PTPRO: variants seen among roughly 807,000 people sequenced by gnomAD.
PTPRO encodes the protein receptor-type tyrosine-protein phosphatase O.
PTPRO carries 62 observed loss-of-function variants against 145.2 expected under a neutral mutation model. The ratio of observed to expected loss-of-function variants is 0.43; its 90% CI spans 0.35 to 0.53. The LOEUF is 0.53. Ranked by LOEUF, PTPRO falls within the 20% of genes least tolerant of loss-of-function variation. PTPRO has a pLI of 0.01. For missense variants in PTPRO, 1,345 were observed against 1,482.7 expected, an observed-to-expected ratio of 0.91 and a Z score of 1.53; for synonymous variants, 565 against 514.7, an observed-to-expected ratio of 1.10 and a Z score of -1.32.
intron 7 of PTPRO, among the ~76,000 whole-genome samples, chr12:15,513,108 AAAGGAAGGAAGGAAGG>A (rs368163582): frequency 7.9e-5 from 4 of 50,924 alleles, no homozygotes; most frequent in East Asian, 4.8e-4. Flanking sequence ...AGAAAGAAAG[AAAGGAAGGAAGGAAGG>A]AAGGAAGGAA....
At position 15,525,478 on chromosome 12, in the gene PTPRO, T is replaced by C. The variant is rs1942818678; in HGVS notation, c.2043+513T>C. Among the ~76,000 whole-genome samples the C allele has an allele frequency of 2.0e-5, 3 of 152,154 alleles. No individual in the cohort carries two copies. The South Asian group carries it at 6.2e-4, about 32-fold the overall frequency. On this transcript the variant is annotated intron_variant, in intron 11 of 26. Coordinates refer to ENST00000281171, the MANE Select transcript of PTPRO (RefSeq NM_030667.3). Reference sequence around the variant, plus strand: ...ACAGGACTAACCAGGCACTTCTGCTTTAAGGGGTCACCCAGGGAGGCAAAT... The same window carrying C: ...ACAGGACTAACCAGGCACTTCTGCTCTAAGGGGTCACCCAGGGAGGCAAAT...
chr12:15,495,494 C>A (rs1422875465), intron 2 of PTPRO, among the ~76,000 whole-genome samples: 1 of 151,596 alleles, frequency 6.6e-6, no homozygotes, highest in Non-Finnish European at 1.5e-5. Context: ...AAGGACATTT[C>A]TTTAGGTCAG....
At chr12:15,364,313 AT>A (rs879741399) in intron 1 of PTPRO, among the ~76,000 whole-genome samples, 28 of 152,316 alleles carry the variant, frequency 1.8e-4, no homozygotes, top group Non-Finnish European at 2.9e-4. Context: ...GTGAATATTC[AT>A]TATTACAGAA....
intron 1 of PTPRO, among the ~76,000 whole-genome samples, chr12:15,469,229 G>A (rs926651845): frequency 2.0e-5 from 3 of 152,028 alleles, no homozygotes; most frequent in African/African-American, 7.2e-5. Context: ...AACTTGCTGG[G>A]GAAAAACCAT....
At chr12:15,554,913 T>C (rs1565425137) in intron 15 of PTPRO, among the ~76,000 whole-genome samples, 6 of 152,156 alleles carry the variant, frequency 3.9e-5, no homozygotes, top group Non-Finnish European at 7.4e-5. Context: ...AAAAGTCTAA[T>C]GTTTGAAAGA....
At chr12:15,475,180 A>C (rs1941627535) in intron 1 of PTPRO, among the ~76,000 whole-genome samples, 1 of 152,258 alleles carries the variant, frequency 6.6e-6, no homozygotes, top group Non-Finnish European at 1.5e-5. Flanking sequence ...TCTTCTTATT[A>C]TCACAACCAC....
rs1411484403 is a variant in PTPRO, at chr12:15,322,834, GGTCCGGGCGGCA to G, written c.75+35_75+46del. The G allele has an allele frequency of 4.4e-6, 7 of 1,597,968 alleles. No homozygotes were observed. Among genetic ancestry groups the G allele is most frequent in the Non-Finnish European group, 4.3e-6 (5 of 1,172,544 alleles). On this transcript the variant is annotated intron_variant, in intron 1 of 26. Transcript: ENST00000281171. The surrounding 1 kb of genome is among the most constrained non-coding windows in gnomAD (Gnocchi z 6.3). ...AGCTCCTCCACCCCTTTTTCCCAGC[GGTCCGGGCGGCA>G]GCCGCGCTCCGGCGCCCTCGCTCTG... is the stretch of plus-strand genomic sequence containing the variant.
intron 1 of PTPRO, among the ~76,000 whole-genome samples, chr12:15,402,697 C>T (rs1252026071): frequency 1.3e-5 from 2 of 151,936 alleles, no homozygotes; most frequent in Non-Finnish European, 2.9e-5. Context: ...CAAATGTTGT[C>T]ATTTGCCTTT....
rs533937231 is a variant in PTPRO, at chr12:15,322,910, C to A, written c.75+109C>A. The A allele has an allele frequency of 6.5e-6, 7 of 1,081,006 alleles. No homozygotes were observed. The highest frequency in any genetic ancestry group is 9.3e-6 in the Non-Finnish European group (7 of 750,002). The allele number at this position is 1,081,006 out of a possible 1,614,324, so 67.0% of individuals were successfully genotyped here. A position where few individuals can be genotyped will look rare whatever the true frequency, so the allele number is the denominator to read the frequency against. ...CGCGCCCCAGGGCACGATGGCCCAG[C>A]CGCGGGAAGCGCCTGCCGTGCAGCC... is the stretch of plus-strand genomic sequence containing the variant. On this transcript the variant is annotated intron_variant, in intron 1 of 26. Transcript: ENST00000281171. The surrounding 1 kb of genome is among the most constrained non-coding windows in gnomAD (Gnocchi z 6.3).
At chr12:15,557,061 G>A (rs551069211) in intron 15 of PTPRO, among the ~76,000 whole-genome samples, 1 of 145,508 alleles carries the variant, frequency 6.9e-6, no homozygotes, top group South Asian at 2.2e-4. Context: ...TTCTTTTTGA[G>A]ACAGAGTCTT....
At chr12:15,504,461 G>A (rs1327589872) in intron 6 of PTPRO, among the ~76,000 whole-genome samples, 4 of 152,126 alleles carry the variant, frequency 2.6e-5, no homozygotes, top group Admixed American at 6.5e-5. Flanking sequence ...AGCTTGTGAG[G>A]CTCAAAAGAA....
chr12:15,567,688 G>T (rs930301446), intron 18 of PTPRO, among the ~76,000 whole-genome samples: 2 of 152,156 alleles, frequency 1.3e-5, no homozygotes, highest in Admixed American at 1.3e-4. Flanking sequence ...GCAGTTCTAA[G>T]GGGGTTCATT....
At chr12:15,461,752 GA>G (rs1301409731) in intron 1 of PTPRO, among the ~76,000 whole-genome samples, 1 of 151,842 alleles carries the variant, frequency 6.6e-6, no homozygotes, top group African/African-American at 2.4e-5. Context: ...ATTTTTAGCA[GA>G]GATGGGGTTT....
chr12:15,582,027 T>A (rs113589631), intron 23 of PTPRO, among the ~76,000 whole-genome samples: 1 of 152,238 alleles, frequency 6.6e-6, no homozygotes, highest in African/African-American at 2.4e-5. Flanking sequence ...ATAAGCATTG[T>A]TTCTATAGAT....
intron 2 of PTPRO, among the ~76,000 whole-genome samples, chr12:15,490,627 C>T (rs1270781527): frequency 1.3e-5 from 2 of 152,104 alleles, no homozygotes; most frequent in Non-Finnish European, 2.9e-5. Context: ...TCTGTCGTAT[C>T]ATTATAATAT....
At chr12:15,442,240 A>G (rs1940788605) in intron 1 of PTPRO, among the ~76,000 whole-genome samples, 1 of 152,194 alleles carries the variant, frequency 6.6e-6, no homozygotes, top group African/African-American at 2.4e-5. Context: ...AGAATTAAAA[A>G]CAAAAACAAT....
chr12:15,376,832 C>A (rs538488680), intron 1 of PTPRO, among the ~76,000 whole-genome samples: 1 of 152,064 alleles, frequency 6.6e-6, no homozygotes, highest in Non-Finnish European at 1.5e-5. Context: ...TCCCAAAAGC[C>A]CCACACCCTA....
At chr12:15,392,477 T>C (rs1460493214) in intron 1 of PTPRO, among the ~76,000 whole-genome samples, 1 of 151,964 alleles carries the variant, frequency 6.6e-6, no homozygotes, top group Non-Finnish European at 1.5e-5. Flanking sequence ...TCCCAGCACT[T>C]TGGGAGGCCA....
At chr12:15,473,955 T>A (rs1328511827) in intron 1 of PTPRO, among the ~76,000 whole-genome samples, 2 of 152,050 alleles carry the variant, frequency 1.3e-5, no homozygotes, top group African/African-American at 4.8e-5. Context: ...AAGATGAAGT[T>A]AAGAGATGCT....
Sources: gnomAD v4.1 joint callset for allele counts (sites outside exome capture counted in the v4.1 genomes callset) on GRCh38, gnomAD v4.1.1 for gene constraint, Gnocchi (gnomAD v3.1) non-coding constraint, MANE v1.5 for transcripts, NCBI Gene and HGNC (gene_info 2026-07-23, HGNC 2026-07-21) for gene names.